HS6ST3: variants seen among roughly 807,000 people sequenced by gnomAD.
The protein encoded by HS6ST3 is heparan-sulfate 6-O-sulfotransferase 3.
In HS6ST3, 12 loss-of-function variants were observed where a neutral mutation model predicts 36.7. The observed-to-expected ratio is 0.33, with a 90% CI of 0.21 to 0.53. HS6ST3 has a LOEUF of 0.53. Among genes scored for constraint, HS6ST3 ranks in the 20% least tolerant of loss-of-function variants. HS6ST3 has a pLI of 0.95. For synonymous variants in HS6ST3, 240 were observed against 257.5 expected (o/e 0.93, Z 0.65); for missense variants, 584 against 640.9 (o/e 0.91, Z 0.96).
intron 1 of HS6ST3, among the ~76,000 whole-genome samples, chr13:96,760,463 T>G (rs2138499442): frequency 6.6e-6 from 1 of 151,544 alleles, no homozygotes; most frequent in South Asian, 2.1e-4. Flanking sequence ...TTGTCCAACC[T>G]TATAACATTT....
At chr13:96,408,973 C>T (rs1474115121) in intron 1 of HS6ST3, among the ~76,000 whole-genome samples, 3 of 152,012 alleles carry the variant, frequency 2.0e-5, no homozygotes, top group Non-Finnish European at 4.4e-5. Flanking sequence ...GAACATCGTG[C>T]AAATGTTCTG....
chr13:96,113,535 T>A (rs1460091468), intron 1 of HS6ST3, among the ~76,000 whole-genome samples: 1 of 152,252 alleles, frequency 6.6e-6, no homozygotes, highest in Non-Finnish European at 1.5e-5. Flanking sequence ...TAACCTCATC[T>A]GTAAGCAATG....
At chr13:96,703,709 T>A (rs546535913) in intron 1 of HS6ST3, among the ~76,000 whole-genome samples, 3 of 152,206 alleles carry the variant, frequency 2.0e-5, no homozygotes, top group African/African-American at 7.2e-5. Flanking sequence ...GGCTTAAGCA[T>A]GTTGATATTA....
intron 1 of HS6ST3, among the ~76,000 whole-genome samples, chr13:96,620,737 T>C (rs1274574818): frequency 2.6e-5 from 4 of 152,008 alleles, no homozygotes; most frequent in Admixed American, 6.5e-5. Context: ...TGTTTTATCT[T>C]GATTAAAAAG....
At chr13:96,828,939 C>A (rs976034351) in intron 1 of HS6ST3, among the ~76,000 whole-genome samples, 1 of 152,150 alleles carries the variant, frequency 6.6e-6, no homozygotes, top group African/African-American at 2.4e-5. Flanking sequence ...TCTAAGTCTG[C>A]AATAATTTAT....
chr13:96,522,130 G>A (rs539408554), intron 1 of HS6ST3, among the ~76,000 whole-genome samples: 128 of 152,280 alleles, frequency 8.4e-4, no homozygotes, highest in African/African-American at 2.9e-3. Flanking sequence ...TCAGAAGCAG[G>A]TTGTTCAGTT....
intron 1 of HS6ST3, among the ~76,000 whole-genome samples, chr13:96,608,117 A>T (rs1367689962): frequency 6.6e-6 from 1 of 152,238 alleles, no homozygotes. Flanking sequence ...AATGATATTT[A>T]AAAACAACAA....
intron 1 of HS6ST3, among the ~76,000 whole-genome samples, chr13:96,230,677 G>A (rs1483840386): frequency 6.6e-6 from 1 of 152,146 alleles, no homozygotes; most frequent in African/African-American, 2.4e-5. Flanking sequence ...TGGGAATGGA[G>A]GAAGTGGAGG....
chr13:96,381,018 A>G (rs766219767), intron 1 of HS6ST3, among the ~76,000 whole-genome samples: 1 of 152,244 alleles, frequency 6.6e-6, no homozygotes, highest in Admixed American at 6.5e-5. Flanking sequence ...TGGACATATC[A>G]TTTTGTATAA....
intron 1 of HS6ST3, among the ~76,000 whole-genome samples, chr13:96,451,573 G>T (rs2055728484): frequency 6.6e-6 from 1 of 152,152 alleles, no homozygotes; most frequent in African/African-American, 2.4e-5. Flanking sequence ...ATGCATCTCT[G>T]ATTTATGCAT....
At chr13:96,369,446 C>G (rs2055278936) in intron 1 of HS6ST3, among the ~76,000 whole-genome samples, 1 of 152,194 alleles carries the variant, frequency 6.6e-6, no homozygotes, top group Admixed American at 6.5e-5. Context: ...TCTGAGGACA[C>G]CGTGTGAGTA....
intron 1 of HS6ST3, among the ~76,000 whole-genome samples, chr13:96,650,911 G>T (rs572892457): frequency 6.6e-6 from 1 of 152,136 alleles, no homozygotes; most frequent in South Asian, 2.1e-4. Flanking sequence ...TTTAACTTTA[G>T]TCTGTGATAC....
intron 1 of HS6ST3, among the ~76,000 whole-genome samples, chr13:96,805,472 C>T (rs1274917059): frequency 2.0e-5 from 3 of 152,158 alleles, no homozygotes. Flanking sequence ...TACCCAGTCT[C>T]AGGTAGTTCT....
chr13:96,092,686 G>A (rs1181673961), intron 1 of HS6ST3, among the ~76,000 whole-genome samples: 4 of 152,164 alleles, frequency 2.6e-5, no homozygotes, highest in Non-Finnish European at 4.4e-5. Flanking sequence ...TGCATTTGAC[G>A]TTATAGAAAA....
chr13:96,221,946 G>A (rs577839098), intron 1 of HS6ST3, among the ~76,000 whole-genome samples: 2 of 152,274 alleles, frequency 1.3e-5, no homozygotes, highest in Non-Finnish European at 2.9e-5. Context: ...TGTAATAAAT[G>A]TTCTTTTAAG....
chr13:96,621,908 A>T (rs1380022147), intron 1 of HS6ST3, among the ~76,000 whole-genome samples: 2 of 152,172 alleles, frequency 1.3e-5, no homozygotes, highest in African/African-American at 4.8e-5. Context: ...GAAAAGATAG[A>T]GGTTATTATA....
At chr13:96,563,209 G>A (rs2056269017) in intron 1 of HS6ST3, among the ~76,000 whole-genome samples, 1 of 152,106 alleles carries the variant, frequency 6.6e-6, no homozygotes, top group South Asian at 2.1e-4. Context: ...CTGTGGCTTA[G>A]GCAAGGCTGG....
rs60430769 is a variant in HS6ST3, at chr13:96,274,839, T to TCACACACACA, written c.707+183316_707+183325dup. 2.2e-3 allele frequency among the ~76,000 whole-genome samples: 274 copies of TCACACACACA among 126,172 alleles called. 2 individuals carry two copies. Among genetic ancestry groups the TCACACACACA allele is most frequent in the Non-Finnish European group, 3.3e-3 (195 of 59,920 alleles). 82.8% of individuals were successfully genotyped at this position (126,172 alleles called of 152,430 possible). On this transcript the variant is annotated intron_variant, in intron 1 of 1. Coordinates refer to ENST00000376705, the MANE Select transcript of HS6ST3 (RefSeq NM_153456.4). Reference sequence around the variant, plus strand: ...ATCAGTGATTAGCTAACTTAGTCCTTCACACACACACACACACACACACAC... The same window carrying TCACACACACA: ...ATCAGTGATTAGCTAACTTAGTCCTTCACACACACACACACACACACACACACACACACAC...
intron 1 of HS6ST3, among the ~76,000 whole-genome samples, chr13:96,706,414 TA>T (rs1388199741): frequency 9.9e-4 from 36 of 36,464 alleles, no homozygotes; most frequent in African/African-American, 4.5e-3. Flanking sequence ...GAATATATTT[TA>T]TATATATATA....
Sources: gnomAD v4.1 joint callset for allele counts (sites outside exome capture counted in the v4.1 genomes callset) on GRCh38, gnomAD v4.1.1 for gene constraint, MANE v1.5 for transcripts, NCBI Gene and HGNC (gene_info 2026-07-23, HGNC 2026-07-21) for gene names.